GGA3: variants seen among roughly 807,000 people sequenced by gnomAD.
GGA3 encodes golgi associated, gamma adaptin ear containing, ARF binding protein 3, also known as ADP-ribosylation factor-binding protein GGA3.
In GGA3, 57 loss-of-function variants were observed where a neutral mutation model predicts 77.5. The ratio of observed to expected loss-of-function variants is 0.74; its 90% CI spans 0.59 to 0.92. The LOEUF is 0.92. GGA3 is among the 40% of genes least tolerant of loss of function. The pLI is 0.00. For synonymous variants in GGA3, 416 were observed against 383.7 expected (o/e 1.08, Z -0.98); for missense variants, 970 against 914.9 (o/e 1.06, Z -0.78).
rs2076538710 is a variant in GGA3 at position 75,241,072 on chromosome 17, A to G, written c.947-15T>C. Reference sequence around the variant, plus strand: ...CTGACTGTTTCCTGGATGGGTCAACAGAGCAGAACAGGAATAATTAGGGGT... The same window carrying G: ...CTGACTGTTTCCTGGATGGGTCAACGGAGCAGAACAGGAATAATTAGGGGT... On this transcript the variant is annotated splice_polypyrimidine_tract_variant and intron_variant, in intron 10 of 16. Coordinates refer to ENST00000537686, the MANE Select transcript of GGA3 (RefSeq NM_138619.4). 1.9e-6 allele frequency: 3 copies of G among 1,613,918 alleles called. No individual in the cohort carries two copies. Among genetic ancestry groups the G allele is most frequent in the Non-Finnish European group, 2.5e-6 (3 of 1,179,960 alleles).
intron 15 of GGA3, 76 bp from the exon 16 acceptor site, chr17:75,238,838 C>T (rs1318761265): frequency 3.2e-6 from 5 of 1,572,348 alleles, no homozygotes; most frequent in Non-Finnish European, 4.4e-6. Context: ...ACACACACTG[C>T]CACCTGCTGG....
intron 1 of GGA3, among the ~76,000 whole-genome samples, chr17:75,248,577 A>G (rs1003861086): frequency 2.6e-5 from 4 of 151,104 alleles, no homozygotes; most frequent in Non-Finnish European, 4.4e-5. Context: ...ACCTGAGGTC[A>G]GGAGTTCAAG....
chr17:75,255,288 T>TA (rs994440661), intron 1 of GGA3, among the ~76,000 whole-genome samples: 79 of 151,926 alleles, frequency 5.2e-4, no homozygotes, highest in African/African-American at 1.9e-3. Flanking sequence ...AATACTCTTT[T>TA]AAGCACTCGT....
rs1219959353 is a variant in GGA3, at chr17:75,238,905, C to T, written c.1950+9G>A. On this transcript the variant is annotated intron_variant, in intron 15 of 16. Transcript: ENST00000537686. The stretch of plus-strand genomic sequence containing the variant: ...TAAGGCCGTTTTGGCCCCAGGGAGA[C>T]ACTGGTACCTTGGGCACTGCAGCCT... 1 of 1,613,336 alleles carries T rather than the reference C, an allele frequency of 6.2e-7. No homozygotes were observed. The highest frequency in any genetic ancestry group is 1.1e-5 in the South Asian group (1 of 91,030).
At chr17:75,251,222 C>T (rs1194357492) in intron 1 of GGA3, among the ~76,000 whole-genome samples, 3 of 152,010 alleles carry the variant, frequency 2.0e-5, no homozygotes, top group Admixed American at 6.6e-5. Context: ...TTGTTAAGCA[C>T]CCGCAGACAA....
intron 14 of GGA3, 92 bp from the exon 15 acceptor site, chr17:75,239,175 A>G: frequency 1.6e-6 from 2 of 1,212,590 alleles, no homozygotes; most frequent in Non-Finnish European, 2.3e-6. Flanking sequence ...CTCCGTGGTC[A>G]TGATGAGTCC....
chr17:75,254,230 G>A (rs11657484), intron 1 of GGA3, among the ~76,000 whole-genome samples: 81,303 of 151,694 alleles, frequency 0.54, 26,541 homozygotes, highest in East Asian at 0.86. Flanking sequence ...TCCTCAGGCT[G>A]CTCGTCGCCA....
intron 1 of GGA3, among the ~76,000 whole-genome samples, chr17:75,248,553 G>A (rs191619296): frequency 0.01 from 1,484 of 147,568 alleles, 20 homozygotes; most frequent in African/African-American, 0.035. Flanking sequence ...TTGGGAGGCC[G>A]AGGCAGGCGG....
intron 1 of GGA3, among the ~76,000 whole-genome samples, chr17:75,257,869 C>T (rs538409775): frequency 6.6e-6 from 1 of 152,164 alleles, no homozygotes; most frequent in Non-Finnish European, 1.5e-5. Flanking sequence ...AGGCCTGAGC[C>T]CAAGCCAAGC....
chr17:75,241,489 A>C lies in GGA3; in HGVS notation c.857T>G (p.Leu286Arg). The C allele has an allele frequency of 6.2e-7, 1 of 1,613,702 alleles. No individual in the cohort carries two copies. Among genetic ancestry groups the C allele is most frequent in the Non-Finnish European group, 8.5e-7 (1 of 1,179,684 alleles). The change falls in exon 10 of 17, where the codon CTC (leucine) becomes CGC (arginine). Residue 286 changes from leucine to arginine, a missense_variant. By Grantham distance (102) the Leu-to-Arg change is moderately radical (BLOSUM62 -2). Transcript: ENST00000537686. Reference sequence around the variant, plus strand: ...TTTGTAAGAGTTGATGACCCGGGAGAGGTTGTCACTGGCTTGCAGGATGTC... The same window carrying C: ...TTTGTAAGAGTTGATGACCCGGGAGCGGTTGTCACTGGCTTGCAGGATGTC... ...LGDILQASDNLSRVINSYKTI... is the reference protein window; with the variant it reads ...LGDILQASDNRSRVINSYKTI...
intron 5 of GGA3, 117 bp downstream of exon 5, chr17:75,243,329 TG>T: frequency 1.5e-6 from 2 of 1,353,776 alleles, no homozygotes; most frequent in Non-Finnish European, 1.0e-6. Context: ...CAGCCTTGCC[TG>T]GGGACAAATG....
intron 1 of GGA3, among the ~76,000 whole-genome samples, chr17:75,259,099 G>A (rs1437425394): frequency 6.6e-6 from 1 of 151,394 alleles, no homozygotes; most frequent in Non-Finnish European, 1.5e-5. Flanking sequence ...GACTACAGGC[G>A]CCCGCCACTA....
Position 75,238,657 on chromosome 17 carries a change from G to C in GGA3, c.2056C>G (p.Leu686Val). 1 of 1,610,384 alleles carries C rather than the reference G, an allele frequency of 6.2e-7. No homozygotes were observed. The highest frequency in any genetic ancestry group is 8.5e-7 in the Non-Finnish European group (1 of 1,177,082). ...ITQVMLLANPLKEKVRLRYKL... is the reference protein window; with the variant it reads ...ITQVMLLANPVKEKVRLRYKL... Reference sequence around the variant, plus strand: ...CTGGGTTCTTTGCTGCTCACCTTCAGTGGATTGGCCAGCAACATGACCTGG... The same window carrying C: ...CTGGGTTCTTTGCTGCTCACCTTCACTGGATTGGCCAGCAACATGACCTGG... Residue 686 changes from leucine (L) to valine (V), a missense_variant, in exon 16 of 17, where the codon CTG becomes GTG. Leu to Val is a conservative substitution (Grantham distance 32). Coordinates refer to ENST00000537686, the MANE Select transcript of GGA3 (RefSeq NM_138619.4).
rs376819047 is a variant in GGA3 at position 75,238,264 on chromosome 17, C to T, written c.*15G>A. ...CTGCCTGGCTTCAAGGTGGAGATCACAGCGTCCTCTGGGGTCATAGGTTCC... is the reference window on the plus strand; with the variant it reads ...CTGCCTGGCTTCAAGGTGGAGATCATAGCGTCCTCTGGGGTCATAGGTTCC... On this transcript the variant is annotated 3_prime_UTR_variant, in exon 17 of 17. Transcript: ENST00000537686. 2.3e-5 allele frequency: 37 copies of T among 1,611,332 alleles called. No individual in the cohort carries two copies. The African/African-American group carries it at 3.2e-4, about 14-fold the overall frequency.
intron 3 of GGA3, among the ~76,000 whole-genome samples, chr17:75,245,064 CAA>C (rs1159254799): frequency 1.3e-5 from 2 of 152,182 alleles, no homozygotes; most frequent in African/African-American, 4.8e-5. Flanking sequence ...GGTCCAGGGA[CAA>C]AGTTTCTCTG....
rs1329849604 is a variant in GGA3, at chr17:75,239,846, C to A, written c.1526G>T (p.Gly509Val). Residue 509 changes from glycine to valine, a missense_variant, in exon 13 of 17, where the codon GGC becomes GTC. Coordinates refer to ENST00000537686, the MANE Select transcript of GGA3 (RefSeq NM_138619.4). ...AVPGHHGLAL[G>V]NSALHHLDAL... ...ATCCAGGTGGTGCAGCGCGCTGTTG[C>A]CCAACGCCAAGCCATGGTGCCCAGG... The A allele has an allele frequency of 6.2e-7, 1 of 1,613,990 alleles. No individual in the cohort carries two copies. The highest frequency in any genetic ancestry group is 2.2e-5 in the East Asian group (1 of 44,880).
At chr17:75,249,292 C>T (rs1448983678) in intron 1 of GGA3, among the ~76,000 whole-genome samples, 1 of 152,152 alleles carries the variant, frequency 6.6e-6, no homozygotes, top group Non-Finnish European at 1.5e-5. Flanking sequence ...CAAGACCAGC[C>T]CTGGCCTCCC....
At chr17:75,246,913 G>GAGAA (rs2076779104) in intron 1 of GGA3, 117 bp from the exon 2 acceptor site, 8 of 750,108 alleles carry the variant, frequency 1.1e-5, no homozygotes, top group Non-Finnish European at 1.8e-5. Context: ...CTCTCTAATA[G>GAGAA]AGAAGCCTCA....
At chr17:75,242,621 G>C in intron 7 of GGA3, 148 bp from the exon 8 acceptor site, 4 of 971,138 alleles carry the variant, frequency 4.1e-6, no homozygotes, top group Non-Finnish European at 6.3e-6. Context: ...CTATACTTCT[G>C]CTTTCACAAC....
Sources: allele counts gnomAD v4.1 joint callset (sites outside exome capture counted in the v4.1 genomes callset), GRCh38; gene constraint gnomAD v4.1.1; transcripts MANE v1.5; gene names NCBI Gene and HGNC (gene_info 2026-07-23, HGNC 2026-07-21).